The following CTNNA3 variants were observed in gnomAD, a reference collection of about 807,000 sequenced individuals.
CTNNA3 encodes the protein catenin alpha 3.
Under a neutral mutation model 95.7 loss-of-function variants are expected in CTNNA3, and 76 were observed. The ratio of observed to expected loss-of-function variants is 0.79; its 90% CI spans 0.66 to 0.96. The LOEUF is 0.96. Ranked by LOEUF, CTNNA3 falls within the 40% of genes least tolerant of loss-of-function variation. The pLI is 0.00. For synonymous variants in CTNNA3, 431 were observed against 374.4 expected, an observed-to-expected ratio of 1.15 and a Z score of -1.74; for missense variants, 1,191 against 1,089.8, an observed-to-expected ratio of 1.09 and a Z score of -1.31.
chr10:66,581,587 A>C (rs1026939453), intron 10 of CTNNA3, among the ~76,000 whole-genome samples: 1 of 151,476 alleles, frequency 6.6e-6, no homozygotes, highest in African/African-American at 2.4e-5. Context: ...TCCACATTTC[A>C]GTTTTTAAGT....
At chr10:67,638,658 T>C (rs1003015689) in intron 2 of CTNNA3, among the ~76,000 whole-genome samples, 8 of 152,228 alleles carry the variant, frequency 5.3e-5, no homozygotes, top group Middle Eastern at 3.4e-3. Context: ...TAACAAACTG[T>C]CTCTCAGACC....
intron 12 of CTNNA3, among the ~76,000 whole-genome samples, chr10:66,337,623 C>T (rs1028938121): frequency 1.3e-5 from 2 of 152,050 alleles, no homozygotes; most frequent in Admixed American, 6.5e-5. Context: ...GATTTAAAAA[C>T]TTGTTGCATG....
At chr10:66,719,732 C>T (rs555659868) in intron 9 of CTNNA3, among the ~76,000 whole-genome samples, 9 of 152,154 alleles carry the variant, frequency 5.9e-5, no homozygotes, top group Non-Finnish European at 1.2e-4. Flanking sequence ...ATATTTGAGT[C>T]ACTTTGTTCC....
chr10:67,218,205 A>G (rs1687432287), intron 6 of CTNNA3, among the ~76,000 whole-genome samples: 2 of 152,158 alleles, frequency 1.3e-5, no homozygotes, highest in Non-Finnish European at 2.9e-5. Flanking sequence ...ACAAATTTCA[A>G]TGTATCACAC....
intron 3 of CTNNA3, among the ~76,000 whole-genome samples, chr10:67,596,831 A>C (rs974361485): frequency 1.3e-5 from 2 of 152,284 alleles, no homozygotes; most frequent in Admixed American, 6.5e-5. Context: ...GATTGGGGAA[A>C]TTTTTGTGGA....
chr10:67,291,824 C>T (rs892279562), intron 5 of CTNNA3, among the ~76,000 whole-genome samples: 1 of 152,166 alleles, frequency 6.6e-6, no homozygotes, highest in Non-Finnish European at 1.5e-5. Flanking sequence ...CTCCTTCAGC[C>T]TCTAAAGGTT....
intron 17 of CTNNA3, among the ~76,000 whole-genome samples, chr10:65,939,398 A>G (rs960637234): frequency 6.6e-6 from 1 of 152,160 alleles, no homozygotes; most frequent in Non-Finnish European, 1.5e-5. Context: ...TTTTTCCTCT[A>G]GGTCCTCCAC....
intron 11 of CTNNA3, among the ~76,000 whole-genome samples, chr10:66,467,862 A>T (rs1348982187): frequency 1.3e-5 from 2 of 152,056 alleles, no homozygotes; most frequent in East Asian, 3.9e-4. Context: ...TGTAAACTTA[A>T]AAACTACCTC....
intron 11 of CTNNA3, among the ~76,000 whole-genome samples, chr10:66,446,401 T>G (rs951953909): frequency 6.6e-6 from 1 of 152,054 alleles, no homozygotes; most frequent in Admixed American, 6.5e-5. Flanking sequence ...ATATCCTTGA[T>G]GAACATTGAT....
intron 11 of CTNNA3, among the ~76,000 whole-genome samples, chr10:66,395,531 G>A (rs2092968869): frequency 6.6e-6 from 1 of 151,824 alleles, no homozygotes; most frequent in Non-Finnish European, 1.5e-5. Context: ...AAAAATACAA[G>A]GCAAAAAGAT....
At chr10:67,100,607 C>G (rs915463633) in intron 7 of CTNNA3, among the ~76,000 whole-genome samples, 7 of 151,584 alleles carry the variant, frequency 4.6e-5, no homozygotes, top group Admixed American at 1.3e-4. Flanking sequence ...TATTCCTCAC[C>G]GATTTAAACA....
At chr10:67,173,304 C>T (rs1301749398) in intron 7 of CTNNA3, among the ~76,000 whole-genome samples, 1 of 152,130 alleles carries the variant, frequency 6.6e-6, no homozygotes. Flanking sequence ...CCTGCCTCAT[C>T]CAAAGTTACA....
At chr10:66,982,041 G>A (rs1259679491) in intron 7 of CTNNA3, among the ~76,000 whole-genome samples, 2 of 152,154 alleles carry the variant, frequency 1.3e-5, no homozygotes, top group African/African-American at 4.8e-5. Context: ...CTTTAATGAT[G>A]AGGCAAGGGG....
At chr10:67,687,881 G>A (rs190067531) in intron 1 of CTNNA3, among the ~76,000 whole-genome samples, 187 of 152,162 alleles carry the variant, frequency 1.2e-3, no homozygotes, top group Non-Finnish European at 1.6e-3. Context: ...ACAGATGTTT[G>A]CAACTCCAGT....
At chr10:66,698,007 A>C (rs1013436406) in intron 9 of CTNNA3, among the ~76,000 whole-genome samples, 1 of 152,104 alleles carries the variant, frequency 6.6e-6, no homozygotes, top group Non-Finnish European at 1.5e-5. Context: ...CCAAGGAAAC[A>C]GGCCTTCTGA....
Position 67,007,626 on chromosome 10 carries a change from T to C in CTNNA3, c.1047+172691A>G, listed in dbSNP as rs151068898. 2.7e-3 allele frequency among the ~76,000 whole-genome samples: 410 copies of C among 152,178 alleles called. 1 individual carries two copies. Among genetic ancestry groups the C allele is most frequent in the African/African-American group, 9.0e-3 (376 of 41,548 alleles). On this transcript the variant is annotated intron_variant, in intron 7 of 17. Coordinates refer to ENST00000433211, the MANE Select transcript of CTNNA3 (RefSeq NM_013266.4). Reference sequence around the variant, plus strand: ...AGGTAAAGGCTTTTTTCTGAAACCCTTGCCAGTGTTTCCCTGTAAATGTTA... The same window carrying C: ...AGGTAAAGGCTTTTTTCTGAAACCCCTGCCAGTGTTTCCCTGTAAATGTTA...
At chr10:67,588,477 C>T (rs934396274) in intron 3 of CTNNA3, among the ~76,000 whole-genome samples, 12 of 151,818 alleles carry the variant, frequency 7.9e-5, no homozygotes, top group East Asian at 5.8e-4. Flanking sequence ...GTGGTATCTG[C>T]GGTTTCCTTG....
At position 66,356,174 on chromosome 10, in the gene CTNNA3, A is replaced by G. The variant is rs931949645; in HGVS notation, c.1732+22978T>C. On this transcript the variant is annotated intron_variant, in intron 12 of 17. Coordinates refer to ENST00000433211, the MANE Select transcript of CTNNA3 (RefSeq NM_013266.4). ...CTGGTTCCTTTGCCTTTCCATATAA[A>G]TGTATTTTTGTAATTCTTTCTTTAG... is the stretch of plus-strand genomic sequence containing the variant. Among the ~76,000 whole-genome samples the G allele has an allele frequency of 5.6e-5, 8 of 143,110 alleles. No individual in the cohort carries two copies. The South Asian group carries it at 1.7e-3, about 31-fold the overall frequency. 93.9% of individuals were successfully genotyped at this position (143,110 alleles called of 152,430 possible). A position where few individuals can be genotyped will look rare whatever the true frequency, so the allele number is the denominator to read the frequency against.
chr10:66,122,288 C>T (rs1030253032), intron 13 of CTNNA3, among the ~76,000 whole-genome samples: 1 of 152,050 alleles, frequency 6.6e-6, no homozygotes, highest in Non-Finnish European at 1.5e-5. Flanking sequence ...TCATTACCTA[C>T]TTCCCAAATT....
Sources: gnomAD v4.1 joint callset for allele counts (sites outside exome capture counted in the v4.1 genomes callset) on GRCh38, gnomAD v4.1.1 for gene constraint, MANE v1.5 for transcripts, NCBI Gene and HGNC (gene_info 2026-07-23, HGNC 2026-07-21) for gene names.